NUDT21: variants seen among roughly 807,000 people sequenced by gnomAD.
NUDT21 encodes cleavage and polyadenylation specificity factor subunit 5.
A neutral mutation model predicts 29.8 loss-of-function variants in NUDT21; 5 were observed. That is an observed-to-expected ratio of 0.17 (90% CI 0.09 to 0.35). The LOEUF (loss-of-function observed/expected upper bound fraction) is 0.35. Among genes scored for constraint, NUDT21 ranks in the 10% least tolerant of loss-of-function variants. The pLI is 1.00. For synonymous variants in NUDT21, 113 were observed against 98.5 expected (o/e 1.15, Z -0.87); for missense variants, 76 against 276.0 (o/e 0.28, Z 5.13).
chr16:56,443,048 T>G (rs1480855066), intron 3 of NUDT21, among the ~76,000 whole-genome samples: 1 of 152,238 alleles, frequency 6.6e-6, no homozygotes, highest in Non-Finnish European at 1.5e-5. Flanking sequence ...TTGCTTCTTT[T>G]GATCTTTTTC....
Position 56,432,656 on chromosome 16 carries a change from T to A in NUDT21, c.*56A>T. On this transcript the variant is annotated 3_prime_UTR_variant, in exon 7 of 7. Coordinates refer to ENST00000300291, the MANE Select transcript of NUDT21 (RefSeq NM_007006.3). ...TCTACCACATTTATTCTACACTGTA[T>A]ATAGCTGTGCTCACAGAGACAAGCG... is the stretch of plus-strand genomic sequence containing the variant. 1.3e-6 allele frequency: 2 copies of A among 1,558,088 alleles called. No individual in the cohort carries two copies. The highest frequency in any genetic ancestry group is 1.7e-4 in the Middle Eastern group (1 of 5,902).
intron 4 of NUDT21, among the ~76,000 whole-genome samples, chr16:56,438,285 C>T (rs1962126120): frequency 6.6e-6 from 1 of 152,232 alleles, no homozygotes; most frequent in Non-Finnish European, 1.5e-5. Context: ...TTGGATCACA[C>T]AGCCTTGGGT....
intron 4 of NUDT21, among the ~76,000 whole-genome samples, chr16:56,436,470 T>C (rs1352248837): frequency 2.6e-5 from 4 of 152,334 alleles, no homozygotes; most frequent in Non-Finnish European, 5.9e-5. Flanking sequence ...GTTAGAATAA[T>C]TATATATCAG....
intron 4 of NUDT21, 142 bp downstream of exon 4, chr16:56,439,514 CT>C: frequency 1.4e-6 from 1 of 701,646 alleles, no homozygotes; most frequent in Admixed American, 2.3e-5. Context: ...ATAAGAAGTG[CT>C]TGGCTTAATT....
intron 2 of NUDT21, among the ~76,000 whole-genome samples, chr16:56,447,203 T>C (rs1431426531): frequency 1.3e-5 from 2 of 152,136 alleles, no homozygotes; most frequent in African/African-American, 2.4e-5. Flanking sequence ...TAACCACCAG[T>C]CCATCCCAAT....
intron 3 of NUDT21, among the ~76,000 whole-genome samples, chr16:56,441,184 C>T (rs1369531701): frequency 1.3e-5 from 2 of 152,152 alleles, no homozygotes; most frequent in East Asian, 1.9e-4. Flanking sequence ...CAGGTGTGAG[C>T]CACCATGCCC....
chr16:56,430,783 A>G lies in NUDT21; in HGVS notation c.*1929T>C, dbSNP rs560402638. 1 of 152,370 alleles carries G rather than the reference A, an allele frequency of 6.6e-6. No homozygotes were observed. Among genetic ancestry groups the G allele is most frequent in the East Asian group, 1.9e-4 (1 of 5,188 alleles). The allele number at this position is 152,370 out of a possible 1,614,324, so 9.4% of individuals were successfully genotyped here. A position where few individuals can be genotyped will look rare whatever the true frequency, so the allele number is the denominator to read the frequency against. On this transcript the variant is annotated 3_prime_UTR_variant, in exon 7 of 7. Coordinates refer to ENST00000300291, the MANE Select transcript of NUDT21 (RefSeq NM_007006.3). The stretch of plus-strand genomic sequence containing the variant: ...TTACATTCAAAACCAGATCTCTTAC[A>G]TTTCAAGGTTAGTAACCCAGCCATC...
In NUDT21 at chr16:56,430,495, G is replaced by A. The variant is rs1740106491; in HGVS notation, c.*2217C>T. On this transcript the variant is annotated 3_prime_UTR_variant, in exon 7 of 7. Transcript: ENST00000300291. ...AACATAGAAGCCACTAAAAAATATG[G>A]GTCTATTAATCAAGAGCCCATTTCA... 1 of 152,082 alleles carries A rather than the reference G, an allele frequency of 6.6e-6. No homozygotes were observed. The highest frequency in any genetic ancestry group is 1.5e-5 in the Non-Finnish European group (1 of 68,024). The allele number at this position is 152,082 out of a possible 1,614,324, so 9.4% of individuals were successfully genotyped here. A position where few individuals can be genotyped will look rare whatever the true frequency, so the allele number is the denominator to read the frequency against.
rs1201363693 is a variant in NUDT21 at position 56,432,639 on chromosome 16, AT to A, written c.*72del. ...AAAACCAAAAAAACTTTTCTACCAC[AT>A]TTATTCTACACTGTATATAGCTGTG... On this transcript the variant is annotated 3_prime_UTR_variant, in exon 7 of 7. Coordinates refer to ENST00000300291, the MANE Select transcript of NUDT21 (RefSeq NM_007006.3). 2.9e-6 allele frequency: 4 copies of A among 1,376,368 alleles called. No individual in the cohort carries two copies. The highest frequency in any genetic ancestry group is 4.0e-6 in the Non-Finnish European group (4 of 1,010,722). 85.3% of individuals were successfully genotyped at this position (1,376,368 alleles called of 1,614,324 possible). A position where few individuals can be genotyped will look rare whatever the true frequency, so the allele number is the denominator to read the frequency against.
In NUDT21 at chr16:56,430,440, CA is replaced by C. The variant is rs1363582642; in HGVS notation, c.*2271del. On this transcript the variant is annotated 3_prime_UTR_variant, in exon 7 of 7. Coordinates refer to ENST00000300291, the MANE Select transcript of NUDT21 (RefSeq NM_007006.3). ...TGACATATATTGTAGTTTTAGAACG[CA>C]AAAGAGCTTTCATTTTAGACAAATA... The C allele has an allele frequency of 3.3e-5, 5 of 152,058 alleles. No homozygotes were observed. The highest frequency in any genetic ancestry group is 1.2e-4 in the African/African-American group (5 of 41,404). The allele number at this position is 152,058 out of a possible 1,614,324, so 9.4% of individuals were successfully genotyped here. A position where few individuals can be genotyped will look rare whatever the true frequency, so the allele number is the denominator to read the frequency against.
intron 6 of NUDT21, among the ~76,000 whole-genome samples, chr16:56,434,093 A>G (rs562401126): frequency 5.0e-4 from 76 of 152,360 alleles, no homozygotes; most frequent in Middle Eastern, 6.8e-3. Flanking sequence ...ACTCTTGAGA[A>G]TATCAGAATT....
chr16:56,435,462 C>T (rs1962086359), intron 4 of NUDT21, among the ~76,000 whole-genome samples: 1 of 151,448 alleles, frequency 6.6e-6, no homozygotes, highest in African/African-American at 2.4e-5. Flanking sequence ...CACAGTGGCT[C>T]ACGCCTGTAA....
intron 6 of NUDT21, 77 bp downstream of exon 6, chr16:56,434,254 A>ACCTTC (rs1962068752): frequency 1.1e-6 from 1 of 900,406 alleles, no homozygotes; most frequent in East Asian, 2.4e-5. Flanking sequence ...CATGAACTAT[A>ACCTTC]CCTTCCCAAG....
In NUDT21 at chr16:56,429,552, T is replaced by A. The variant is rs1285685283; in HGVS notation, c.*3160A>T. 6.6e-6 allele frequency: 1 copy of A among 152,336 alleles called. No individual in the cohort carries two copies. The highest frequency in any genetic ancestry group is 1.9e-4 in the East Asian group (1 of 5,186). 9.4% of individuals were successfully genotyped at this position (152,336 alleles called of 1,614,324 possible). On this transcript the variant is annotated 3_prime_UTR_variant, in exon 7 of 7. Transcript: ENST00000300291. ...CAAGCTAATATTAAAATGTGTTTTA[T>A]GGCTCAAATCAAATTACAGTATTAG...
intron 3 of NUDT21, among the ~76,000 whole-genome samples, chr16:56,442,545 TG>T (rs1182592726): frequency 2.0e-5 from 3 of 152,214 alleles, no homozygotes; most frequent in Admixed American, 6.5e-5. Context: ...CCTCCCACTT[TG>T]GAAGCTTTTA....
rs74023816 is a variant in NUDT21, at chr16:56,433,206, T to G, written c.663-473A>C. Among the ~76,000 whole-genome samples, 819 of 152,334 alleles carry G rather than the reference T, an allele frequency of 5.4e-3. 5 individuals are homozygous for G. The highest frequency in any genetic ancestry group is 0.018 in the African/African-American group (766 of 41,570). ...CGAAGTAGAAAGAGCAATTTCATAC[T>G]CAATAAGCTTTCACAAAAGGCCAAT... On this transcript the variant is annotated intron_variant, in intron 6 of 6. Transcript: ENST00000300291.
intron 4 of NUDT21, chr16:56,439,431 C>T (rs1476422999): frequency 4.3e-6 from 2 of 468,386 alleles, no homozygotes; most frequent in African/African-American, 2.0e-5. Context: ...CCGCCTCGGC[C>T]TCCTGAAGTG....
intron 6 of NUDT21, among the ~76,000 whole-genome samples, 165 bp downstream of exon 6, chr16:56,434,166 A>G (rs186491931): frequency 2.0e-4 from 31 of 152,366 alleles, no homozygotes; most frequent in African/African-American, 7.5e-4. Context: ...TGGGGATGGT[A>G]TTAGTCACAA....
intron 3 of NUDT21, among the ~76,000 whole-genome samples, chr16:56,440,092 C>T (rs553522630): frequency 3.9e-5 from 6 of 152,314 alleles, no homozygotes; most frequent in African/African-American, 1.4e-4. Flanking sequence ...TGAGAAACTG[C>T]AGTTCTCTGT....
Sources: gnomAD v4.1 joint callset for allele counts (sites outside exome capture counted in the v4.1 genomes callset) on GRCh38, gnomAD v4.1.1 for gene constraint, MANE v1.5 for transcripts, NCBI Gene and HGNC (gene_info 2026-07-23, HGNC 2026-07-21) for gene names.